BRI3BP: variants seen among roughly 807,000 people sequenced by gnomAD.
The protein encoded by BRI3BP is BRI3-binding protein.
In BRI3BP, 7 loss-of-function variants were observed where a neutral mutation model predicts 15.8. That is an observed-to-expected ratio of 0.44 (90% CI 0.25 to 0.83). The LOEUF (loss-of-function observed/expected upper bound fraction) is 0.83, where lower values mean the gene tolerates loss of function less well. BRI3BP is among the 40% of genes least tolerant of loss of function. BRI3BP has a pLI of 0.20. For missense variants in BRI3BP, 320 were observed against 339.3 expected (o/e 0.94, Z 0.45); for synonymous variants, 192 against 163.5 (o/e 1.17, Z -1.33).
chr12:125,017,769 T>C (rs1309526819), intron 2 of BRI3BP, among the ~76,000 whole-genome samples: 1 of 152,170 alleles, frequency 6.6e-6, no homozygotes, highest in Non-Finnish European at 1.5e-5. Flanking sequence ...CTGAAGCTGC[T>C]GAGGCCACTT....
intron 1 of BRI3BP, among the ~76,000 whole-genome samples, chr12:124,997,212 C>A (rs199631050): frequency 2.9e-5 from 1 of 33,910 alleles, no homozygotes. Flanking sequence ...TGCTTTACTT[C>A]TCTTTTTTTT....
At chr12:125,037,726 C>T in the BRI3BP span, among the ~76,000 whole-genome samples, 1 of 151,374 alleles carries the variant, frequency 6.6e-6, no homozygotes, top group Middle Eastern at 3.4e-3. Context: ...GCAGAAGAAT[C>T]GCTTGAACCC....
At position 125,028,382 on chromosome 12, in the gene BRI3BP, T is replaced by G. The variant is rs1955375544; in HGVS notation, c.*2952T>G. On this transcript the variant is annotated 3_prime_UTR_variant, in exon 3 of 3. Transcript: ENST00000341446. The stretch of plus-strand genomic sequence containing the variant: ...AAGGGCACTGTGCTCTATTGAGATC[T>G]CGATAAGATCATCATTTTAACTTGT... The G allele has an allele frequency of 6.6e-6, 1 of 152,252 alleles. No homozygotes were observed. Among genetic ancestry groups the G allele is most frequent in the Non-Finnish European group, 1.5e-5 (1 of 68,040 alleles). 9.4% of individuals were successfully genotyped at this position (152,252 alleles called of 1,614,324 possible). A position where few individuals can be genotyped will look rare whatever the true frequency, so the allele number is the denominator to read the frequency against.
chr12:125,048,711 G>A, the BRI3BP span, among the ~76,000 whole-genome samples: 1 of 151,216 alleles, frequency 6.6e-6, no homozygotes, highest in Admixed American at 6.6e-5. Flanking sequence ...AATAATAATA[G>A]TAAAAAATAA....
At chr12:124,998,681 G>A (rs761758643) in intron 1 of BRI3BP, among the ~76,000 whole-genome samples, 13 of 152,172 alleles carry the variant, frequency 8.5e-5, no homozygotes, top group Non-Finnish European at 1.3e-4. Flanking sequence ...TGTGGAACTA[G>A]ATAATAATGG....
intron 1 of BRI3BP, among the ~76,000 whole-genome samples, chr12:125,006,892 C>G (rs1209485024): frequency 6.6e-6 from 1 of 152,100 alleles, no homozygotes; most frequent in Non-Finnish European, 1.5e-5. Flanking sequence ...TCCATTTGAA[C>G]AAATTATAGA....
the BRI3BP span, among the ~76,000 whole-genome samples, chr12:125,045,323 T>G: frequency 6.6e-6 from 1 of 152,138 alleles, no homozygotes; most frequent in African/African-American, 2.4e-5. Flanking sequence ...AAGTCCCCAG[T>G]CAATGCTAAG....
intron 2 of BRI3BP, among the ~76,000 whole-genome samples, chr12:125,015,850 C>T (rs77525798): frequency 0.018 from 2,805 of 152,324 alleles, 81 homozygotes; most frequent in African/African-American, 0.062. Context: ...CTCATGGCCC[C>T]TCCAGGGACT....
In BRI3BP at chr12:125,029,884, C is replaced by T. The variant is rs1955393877; in HGVS notation, c.*4454C>T. On this transcript the variant is annotated 3_prime_UTR_variant, in exon 3 of 3. Coordinates refer to ENST00000341446, the MANE Select transcript of BRI3BP (RefSeq NM_080626.6). ...TGGTGGTAACCAAGTGGGGTGGTCC[C>T]CTCTGGGGAGCTGAGTAAGAACGCA... 1 of 152,102 alleles carries T rather than the reference C, an allele frequency of 6.6e-6. No individual in the cohort carries two copies. The highest frequency in any genetic ancestry group is 3.2e-3 in the Middle Eastern group (1 of 316). The allele number at this position is 152,102 out of a possible 1,614,324, so 9.4% of individuals were successfully genotyped here.
chr12:125,034,884 G>A (rs774865972), downstream of BRI3BP, among the ~76,000 whole-genome samples: 4 of 152,108 alleles, frequency 2.6e-5, no homozygotes, highest in Admixed American at 6.6e-5. Flanking sequence ...CACCGCGCCC[G>A]GCCCTAGTTT....
intron 2 of BRI3BP, among the ~76,000 whole-genome samples, chr12:125,024,293 G>C (rs1955327835): frequency 1.5e-5 from 2 of 135,052 alleles, no homozygotes; most frequent in Admixed American, 1.6e-4. Flanking sequence ...AACAGCATGG[G>C]GAAACCACCC....
Position 124,993,986 on chromosome 12 carries a change from G to C in BRI3BP, c.196G>C (p.Val66Leu). 1.5e-6 allele frequency: 2 copies of C among 1,352,846 alleles called. No homozygotes were observed. Among genetic ancestry groups the C allele is most frequent in the Non-Finnish European group, 1.9e-6 (2 of 1,036,908 alleles). The allele number at this position is 1,352,846 out of a possible 1,614,324, so 83.8% of individuals were successfully genotyped here. ...SVSSLFGEDN[V>L]RAAQKFLARL... ...CAGCAGCCTGTTCGGCGAGGACAAC[G>C]TGCGCGCCGCTCAGAAGGTGGGCGC... The change falls in exon 1 of 3, where the codon GTG becomes CTG. Residue 66 changes from valine to leucine, a missense_variant. Coordinates refer to ENST00000341446, the MANE Select transcript of BRI3BP (RefSeq NM_080626.6).
chr12:125,031,289 C>T (rs1356900265), downstream of BRI3BP: 2 of 152,062 alleles, frequency 1.3e-5, no homozygotes, highest in African/African-American at 2.4e-5. Flanking sequence ...TTCTATTCCT[C>T]GATCTGAGAA....
At chr12:125,044,598 G>A in the BRI3BP span, among the ~76,000 whole-genome samples, 14 of 151,264 alleles carry the variant, frequency 9.3e-5, no homozygotes, top group Non-Finnish European at 1.6e-4. Flanking sequence ...ACAAGCATGC[G>A]CCACCACACC....
At chr12:124,995,983 G>T (rs141686307) in intron 1 of BRI3BP, among the ~76,000 whole-genome samples, 1 of 152,112 alleles carries the variant, frequency 6.6e-6, no homozygotes, top group Admixed American at 6.6e-5. Flanking sequence ...GAGTGATCTC[G>T]TCTCACTACA....
In BRI3BP at chr12:124,999,285, C is replaced by T. The variant is rs547504551; in HGVS notation, c.213+5282C>T. ...TCTGAAGGTTAAGAAACTAACTCCA[C>T]TTCCCACTACCGACCCGTCTACCAC... On this transcript the variant is annotated intron_variant, in intron 1 of 2. Coordinates refer to ENST00000341446, the MANE Select transcript of BRI3BP (RefSeq NM_080626.6). 1.4e-4 allele frequency among the ~76,000 whole-genome samples: 21 copies of T among 152,312 alleles called. No individual in the cohort carries two copies. The South Asian group carries it at 4.3e-3, about 32-fold the overall frequency.
At chr12:125,024,079 G>C (rs1198655855) in intron 2 of BRI3BP, among the ~76,000 whole-genome samples, 1 of 152,120 alleles carries the variant, frequency 6.6e-6, no homozygotes, top group African/African-American at 2.4e-5. Flanking sequence ...AAAAACCTGA[G>C]ACTAGGTAAT....
chr12:125,038,883 G>C, the BRI3BP span, among the ~76,000 whole-genome samples: 1 of 150,684 alleles, frequency 6.6e-6, no homozygotes, highest in African/African-American at 2.4e-5. Context: ...TGAGATCAGG[G>C]GTTCAAGACC....
chr12:125,012,439 C>T, intron 1 of BRI3BP, 95 bp from the exon 2 acceptor site: 1 of 1,003,612 alleles, frequency 1.0e-6, no homozygotes, highest in Non-Finnish European at 1.6e-6. Context: ...ACTATTTTTC[C>T]CTTCCCAGGT....
Sources: gnomAD v4.1 joint callset for allele counts (sites outside exome capture counted in the v4.1 genomes callset) on GRCh38, gnomAD v4.1.1 for gene constraint, MANE v1.5 for transcripts, NCBI Gene and HGNC (gene_info 2026-07-23, HGNC 2026-07-21) for gene names.